PHACTR1: variants seen among roughly 807,000 people sequenced by gnomAD.
PHACTR1 encodes the protein RPEL repeat containing 1.
A neutral mutation model predicts 69.2 loss-of-function variants in PHACTR1; 16 were observed. That is an observed-to-expected ratio of 0.23 (90% CI 0.16 to 0.35). The LOEUF (loss-of-function observed/expected upper bound fraction) is 0.35. Among genes scored for constraint, PHACTR1 ranks in the 10% least tolerant of loss-of-function variants. The probability of loss-of-function intolerance (pLI) is 1.00; values close to 1 mark genes in which losing one functional copy is unlikely to be tolerated. For synonymous variants in PHACTR1, 312 were observed against 284.5 expected, an observed-to-expected ratio of 1.10 and a Z score of -0.97; for missense variants, 510 against 734.7, an observed-to-expected ratio of 0.69 and a Z score of 3.54.
intron 10 of PHACTR1, among the ~76,000 whole-genome samples, chr6:13,253,698 G>C (rs980137983): frequency 1.3e-5 from 2 of 152,182 alleles, no homozygotes; most frequent in African/African-American, 4.8e-5. Flanking sequence ...ACTCAGCAGA[G>C]CCTAAGCATG....
At chr6:12,927,154 T>C (rs974932804) in intron 4 of PHACTR1, among the ~76,000 whole-genome samples, 1 of 152,218 alleles carries the variant, frequency 6.6e-6, no homozygotes. Flanking sequence ...ACACCTAGCC[T>C]AGAGGGCAAG....
At chr6:12,933,787 C>G (rs1789136483) in intron 4 of PHACTR1, 2 of 1,612,804 alleles carry the variant, frequency 1.2e-6, no homozygotes, top group South Asian at 2.2e-5. Flanking sequence ...TCTGCTCAGG[C>G]CCCAGTACAG....
intron 3 of PHACTR1, 167 bp from the exon 4 acceptor site, chr6:12,749,473 TTCTC>T (rs1766259075): frequency 1.6e-6 from 1 of 641,646 alleles, no homozygotes; most frequent in African/African-American, 1.8e-5. Context: ...CTCTCTTTCT[TTCTC>T]TCTCCCTTTT....
intron 4 of PHACTR1, among the ~76,000 whole-genome samples, chr6:12,761,575 A>G (rs1768020616): frequency 6.6e-6 from 1 of 152,198 alleles, no homozygotes; most frequent in Non-Finnish European, 1.5e-5. Context: ...ACAGTCATCA[A>G]AAAGGCACTT....
intron 5 of PHACTR1, among the ~76,000 whole-genome samples, chr6:13,053,965 A>T (rs752678111): frequency 4.4e-4 from 66 of 151,580 alleles, no homozygotes; most frequent in Admixed American, 3.3e-4. Flanking sequence ...ACCTTGAATA[A>T]GTGATTCTTG....
rs4053019 is a variant in PHACTR1 at position 13,179,405 on chromosome 6, CGTGTGT to C, written c.497-3079_497-3074del. On this transcript the variant is annotated intron_variant, in intron 6 of 14. Transcript: ENST00000332995. The surrounding 1 kb of genome is among the most constrained non-coding windows in gnomAD (Gnocchi z 4.2). ...TATACAGCCCATTACATTAATGTTTCGTGTGTGTGTGTGTGTGTGTGTGTGTGTGTG... is the reference window on the plus strand; with the variant it reads ...TATACAGCCCATTACATTAATGTTTCGTGTGTGTGTGTGTGTGTGTGTGTG... Among the ~76,000 whole-genome samples, 13,338 of 141,958 alleles carry C rather than the reference CGTGTGT, an allele frequency of 0.094. 702 individuals are homozygous for C. The highest frequency in any genetic ancestry group is 0.18 in the Middle Eastern group (50 of 278). The allele number at this position is 141,958 out of a possible 152,430, so 93.1% of individuals were successfully genotyped here.
intron 4 of PHACTR1, among the ~76,000 whole-genome samples, chr6:12,857,330 C>T (rs1332673146): frequency 6.6e-6 from 1 of 152,040 alleles, no homozygotes; most frequent in Non-Finnish European, 1.5e-5. Flanking sequence ...TCAACATTCT[C>T]GTCAGGCGCG....
intron 4 of PHACTR1, among the ~76,000 whole-genome samples, chr6:12,826,329 G>C (rs1202370132): frequency 6.6e-6 from 1 of 152,206 alleles, no homozygotes; most frequent in Non-Finnish European, 1.5e-5. Context: ...TAGAGCCAGG[G>C]AGACTAAACA....
intron 4 of PHACTR1, among the ~76,000 whole-genome samples, chr6:12,902,461 A>G (rs1785306307): frequency 6.6e-6 from 1 of 152,208 alleles, no homozygotes; most frequent in Non-Finnish European, 1.5e-5. Flanking sequence ...TTTCCCAACA[A>G]TCTTCCCCTT....
At chr6:13,046,944 T>C (rs1252178531) in intron 4 of PHACTR1, among the ~76,000 whole-genome samples, 1 of 152,054 alleles carries the variant, frequency 6.6e-6, no homozygotes, top group Non-Finnish European at 1.5e-5. Context: ...AAAGGAAAAA[T>C]AGTGTCCTCA....
chr6:12,997,651 A>G (rs990150442), intron 4 of PHACTR1, among the ~76,000 whole-genome samples: 18 of 152,110 alleles, frequency 1.2e-4, no homozygotes, highest in African/African-American at 4.3e-4. Flanking sequence ...TCTTCTAGCT[A>G]TTTTGAAATA....
intron 4 of PHACTR1, among the ~76,000 whole-genome samples, chr6:13,011,326 A>G (rs1355535581): frequency 6.6e-6 from 1 of 152,250 alleles, no homozygotes; most frequent in African/African-American, 2.4e-5. Flanking sequence ...GTAAACAGCC[A>G]CATGTTGCTA....
intron 4 of PHACTR1, among the ~76,000 whole-genome samples, chr6:13,022,144 T>A (rs185749492): frequency 2.0e-5 from 3 of 152,360 alleles, no homozygotes; most frequent in Admixed American, 1.3e-4. Context: ...ATTAATTAAA[T>A]GTGAATATGA....
chr6:13,013,694 C>T (rs1165388831), intron 4 of PHACTR1, among the ~76,000 whole-genome samples: 3 of 151,830 alleles, frequency 2.0e-5, no homozygotes, highest in South Asian at 2.1e-4. Context: ...CTTCGGGATC[C>T]GGATTGGCTG....
chr6:13,089,472 G>A (rs890966489), intron 5 of PHACTR1, among the ~76,000 whole-genome samples: 2 of 152,188 alleles, frequency 1.3e-5, no homozygotes, highest in Middle Eastern at 3.4e-3. Flanking sequence ...CCAGGAATAC[G>A]TCAGCTTGTT....
At chr6:12,749,580 C>G in intron 3 of PHACTR1, 64 bp from the exon 4 acceptor site, 3 of 921,192 alleles carry the variant, frequency 3.3e-6, no homozygotes, top group Non-Finnish European at 4.6e-6. Flanking sequence ...GCGCGAGCCT[C>G]TTCCTCTCCC....
intron 4 of PHACTR1, among the ~76,000 whole-genome samples, chr6:12,860,650 C>T (rs1212764985): frequency 6.6e-6 from 1 of 152,186 alleles, no homozygotes; most frequent in Non-Finnish European, 1.5e-5. Flanking sequence ...ACATCCTTTC[C>T]AGCATCTGTT....
At chr6:12,833,405 C>T (rs1418771417) in intron 4 of PHACTR1, among the ~76,000 whole-genome samples, 2 of 151,874 alleles carry the variant, frequency 1.3e-5, no homozygotes, top group African/African-American at 4.8e-5. Context: ...ATTACAGGTG[C>T]CCACCACCAC....
chr6:12,955,142 T>C lies in PHACTR1; in HGVS notation c.251-98223T>C, dbSNP rs143140656. Among the ~76,000 whole-genome samples the C allele has an allele frequency of 2.8e-3, 419 of 151,058 alleles. 2 individuals carry two copies. Among genetic ancestry groups the C allele is most frequent in the African/African-American group, 9.2e-3 (376 of 41,074 alleles). ...TAATTTCCCTTAAAAAATTTTAATATGACTACTAGAAAATTGAAAATTACA... is the reference window on the plus strand; with the variant it reads ...TAATTTCCCTTAAAAAATTTTAATACGACTACTAGAAAATTGAAAATTACA... On this transcript the variant is annotated intron_variant, in intron 4 of 14. Transcript: ENST00000332995.
Sources: allele counts gnomAD v4.1 joint callset (sites outside exome capture counted in the v4.1 genomes callset), GRCh38; gene constraint gnomAD v4.1.1; non-coding constraint Gnocchi (gnomAD v3.1); transcripts MANE v1.5; gene names NCBI Gene and HGNC (gene_info 2026-07-23, HGNC 2026-07-21).